The following TBC1D9 variants were observed in gnomAD, a reference collection of about 807,000 sequenced individuals.
TBC1D9 encodes TBC1 domain family member 9.
Under a neutral mutation model 132.0 loss-of-function variants are expected in TBC1D9, and 63 were observed. That is an observed-to-expected ratio of 0.48 (90% CI 0.39 to 0.59). The LOEUF (loss-of-function observed/expected upper bound fraction) is 0.59, where lower values mean the gene tolerates loss of function less well. Ranked by LOEUF, TBC1D9 falls within the 20% of genes least tolerant of loss-of-function variation. The probability of loss-of-function intolerance (pLI) is 0.00; values close to 1 mark genes in which losing one functional copy is unlikely to be tolerated. For synonymous variants in TBC1D9, 610 were observed against 609.9 expected (o/e 1.00, Z 0.00); for missense variants, 1,261 against 1,592.7 (o/e 0.79, Z 3.54).
At chr4:140,630,886 G>T (rs1169610309) in intron 16 of TBC1D9, among the ~76,000 whole-genome samples, 3 of 152,120 alleles carry the variant, frequency 2.0e-5, no homozygotes, top group Non-Finnish European at 2.9e-5. Flanking sequence ...CACACTTCTA[G>T]AACTTTACTT....
chr4:140,738,862 A>G (rs1738716079), intron 1 of TBC1D9, among the ~76,000 whole-genome samples: 1 of 152,166 alleles, frequency 6.6e-6, no homozygotes, highest in South Asian at 2.1e-4. Context: ...GAAAATCCAC[A>G]TAGTTTTCAC....
chr4:140,748,075 A>T (rs2111084458), intron 1 of TBC1D9, among the ~76,000 whole-genome samples: 1 of 152,312 alleles, frequency 6.6e-6, no homozygotes, highest in South Asian at 2.1e-4. Context: ...ATTAGGAGAA[A>T]AAACAGACAG....
intron 13 of TBC1D9, chr4:140,644,646 C>A: frequency 2.4e-6 from 1 of 408,794 alleles, no homozygotes. Context: ...TGCTTCTTTG[C>A]AGTTCCAGGG....
At chr4:140,634,342 C>T (rs1219692235) in intron 15 of TBC1D9, among the ~76,000 whole-genome samples, 154 bp from the exon 16 acceptor site, 1 of 152,158 alleles carries the variant, frequency 6.6e-6, no homozygotes, top group Non-Finnish European at 1.5e-5. Flanking sequence ...TCTCTTAGTT[C>T]TACATACACC....
chr4:140,666,185 T>C (rs542103546), intron 9 of TBC1D9, among the ~76,000 whole-genome samples: 2 of 152,168 alleles, frequency 1.3e-5, no homozygotes, highest in Non-Finnish European at 2.9e-5. Context: ...CAGTATGCTA[T>C]GTGAAAGAAG....
At chr4:140,722,119 G>A (rs1046132699) in intron 1 of TBC1D9, among the ~76,000 whole-genome samples, 7 of 152,130 alleles carry the variant, frequency 4.6e-5, no homozygotes, top group Admixed American at 3.9e-4. Context: ...ATAGTAGCAG[G>A]GGAGCCTATG....
intron 2 of TBC1D9, among the ~76,000 whole-genome samples, chr4:140,695,456 G>A (rs1018759620): frequency 6.6e-6 from 1 of 152,172 alleles, no homozygotes; most frequent in Non-Finnish European, 1.5e-5. Context: ...TGAGCTGTCC[G>A]TCAAACACAT....
At chr4:140,637,980 T>C (rs930099641) in intron 15 of TBC1D9, among the ~76,000 whole-genome samples, 2 of 152,246 alleles carry the variant, frequency 1.3e-5, no homozygotes, top group African/African-American at 2.4e-5. Flanking sequence ...CTAGTATTAG[T>C]ACTAGTGCAC....
intron 1 of TBC1D9, among the ~76,000 whole-genome samples, chr4:140,734,209 C>G (rs1461274906): frequency 6.6e-6 from 1 of 152,160 alleles, no homozygotes; most frequent in East Asian, 1.9e-4. Flanking sequence ...TTCACTGCAA[C>G]CTCTGCCTCC....
chr4:140,666,029 G>A (rs916561071), intron 9 of TBC1D9, among the ~76,000 whole-genome samples: 1 of 151,954 alleles, frequency 6.6e-6, no homozygotes, highest in African/African-American at 2.4e-5. Context: ...ATTATTCATA[G>A]GAACCAAAAA....
intron 18 of TBC1D9, 84 bp from the exon 19 acceptor site, chr4:140,624,472 ACT>A: frequency 8.1e-7 from 1 of 1,234,388 alleles, no homozygotes; most frequent in Non-Finnish European, 1.2e-6. Context: ...AAAATAGAAG[ACT>A]CTCTAAGTAG....
intron 11 of TBC1D9, among the ~76,000 whole-genome samples, chr4:140,658,134 T>C (rs1737300747): frequency 6.6e-6 from 1 of 152,228 alleles, no homozygotes; most frequent in African/African-American, 2.4e-5. Flanking sequence ...CAACATAATG[T>C]TTGGTTTGGT....
intron 9 of TBC1D9, among the ~76,000 whole-genome samples, chr4:140,668,671 G>T (rs1737485250): frequency 6.6e-6 from 1 of 152,196 alleles, no homozygotes; most frequent in South Asian, 2.1e-4. Context: ...TGAAGAAATG[G>T]AAGTATTTAT....
chr4:140,675,448 T>C (rs1737608954), intron 6 of TBC1D9, among the ~76,000 whole-genome samples: 1 of 151,936 alleles, frequency 6.6e-6, no homozygotes, highest in Non-Finnish European at 1.5e-5. Context: ...TTGGAAGAGG[T>C]CAGGTTAGAA....
At chr4:140,692,414 T>C (rs1288417798) in intron 2 of TBC1D9, among the ~76,000 whole-genome samples, 1 of 152,110 alleles carries the variant, frequency 6.6e-6, no homozygotes, top group East Asian at 1.9e-4. Flanking sequence ...AATTTTGAAG[T>C]TTCCATACCA....
chr4:140,657,410 C>G, intron 12 of TBC1D9, 117 bp downstream of exon 12: 1 of 1,346,532 alleles, frequency 7.4e-7, no homozygotes, highest in Non-Finnish European at 1.0e-6. Flanking sequence ...AAATCCTCAG[C>G]CACAGGAAGA....
chr4:140,657,478 T>C (rs777877639), intron 12 of TBC1D9, 49 bp downstream of exon 12: 2 of 1,553,830 alleles, frequency 1.3e-6, no homozygotes, highest in African/African-American at 1.4e-5. Flanking sequence ...AGAGAAAGCA[T>C]GAGGAAGAAA....
chr4:140,734,462 A>G (rs1738643815), intron 1 of TBC1D9, among the ~76,000 whole-genome samples: 1 of 152,150 alleles, frequency 6.6e-6, no homozygotes, highest in East Asian at 1.9e-4. Context: ...AGAAAACTAC[A>G]TTGAGGAACA....
Position 140,679,754 on chromosome 4 carries a change from C to T in TBC1D9, c.450G>A (p.Arg150=), listed in dbSNP as rs1187382490. The T allele has an allele frequency of 1.2e-6, 2 of 1,613,708 alleles. No homozygotes were observed. The highest frequency in any genetic ancestry group is 2.2e-5 in the East Asian group (1 of 44,878). ...KFKEAIVKFH[R]LFGMPEEEKL... is the part of the protein sequence containing the mutation. ...TCTCTTCCTCTGGCATCCCAAACAG[C>T]CTATGAAATTTCACAATGGCTTCTT... Residue 150 remains arginine, a synonymous_variant, in exon 4 of 21, where the codon AGG becomes AGA. Coordinates refer to ENST00000442267, the MANE Select transcript of TBC1D9 (RefSeq NM_015130.3).
Sources: gnomAD v4.1 joint callset for allele counts (sites outside exome capture counted in the v4.1 genomes callset) on GRCh38, gnomAD v4.1.1 for gene constraint, MANE v1.5 for transcripts, NCBI Gene and HGNC (gene_info 2026-07-23, HGNC 2026-07-21) for gene names.